CSMD1: variants seen among roughly 807,000 people sequenced by gnomAD.
CSMD1 encodes CUB and Sushi multiple domains 1.
A neutral mutation model predicts 417.5 loss-of-function variants in CSMD1; 213 were observed. The observed-to-expected ratio is 0.51, with a 90% CI of 0.46 to 0.57. CSMD1 has a LOEUF of 0.57. Ranked by LOEUF, CSMD1 falls within the 20% of genes least tolerant of loss-of-function variation. The probability of loss-of-function intolerance (pLI) is 0.00; values close to 1 mark genes in which losing one functional copy is unlikely to be tolerated. For synonymous variants in CSMD1, 2,862 were observed against 1,736.8 expected (o/e 1.65, Z -16.11); for missense variants, 6,923 against 4,529.7 (o/e 1.53, Z -15.17).
chr8:4,625,690 G>A (rs947911965), intron 2 of CSMD1, among the ~76,000 whole-genome samples: 1 of 152,006 alleles, frequency 6.6e-6, no homozygotes, highest in South Asian at 2.1e-4. Context: ...CAAATATAAT[G>A]ATTATCGTAT....
chr8:3,459,604 C>T (rs1039885306), intron 12 of CSMD1, among the ~76,000 whole-genome samples: 1 of 152,108 alleles, frequency 6.6e-6, no homozygotes, highest in South Asian at 2.1e-4. Context: ...CAACCAATAG[C>T]AGCAGAGCAC....
intron 8 of CSMD1, among the ~76,000 whole-genome samples, chr8:3,603,905 C>T (rs919171752): frequency 4.6e-5 from 7 of 152,170 alleles, no homozygotes; most frequent in African/African-American, 7.2e-5. Context: ...ATGCTTAATA[C>T]AGTATATGAT....
chr8:4,506,206 C>T (rs1802518918), intron 2 of CSMD1, among the ~76,000 whole-genome samples: 1 of 152,038 alleles, frequency 6.6e-6, no homozygotes, highest in South Asian at 2.1e-4. Flanking sequence ...ATGACAATTA[C>T]TTTTACACCA....
intron 3 of CSMD1, among the ~76,000 whole-genome samples, chr8:4,256,475 C>A (rs1328549248): frequency 6.6e-6 from 1 of 152,128 alleles, no homozygotes; most frequent in Non-Finnish European, 1.5e-5. Flanking sequence ...TAACCGAGTA[C>A]TGGTAAAGGG....
intron 68 of CSMD1, among the ~76,000 whole-genome samples, chr8:2,945,643 C>T (rs1490652992): frequency 6.6e-6 from 1 of 152,160 alleles, no homozygotes; most frequent in African/African-American, 2.4e-5. Flanking sequence ...GTACGAGGGT[C>T]TTCACAATAA....
At chr8:4,674,005 G>C (rs1167044069) in intron 1 of CSMD1, among the ~76,000 whole-genome samples, 1 of 152,094 alleles carries the variant, frequency 6.6e-6, no homozygotes, top group African/African-American at 2.4e-5. Flanking sequence ...ACTATACAGA[G>C]GCAAATCTTA....
intron 5 of CSMD1, among the ~76,000 whole-genome samples, chr8:3,767,318 G>T (rs752656780): frequency 6.6e-6 from 1 of 152,224 alleles, no homozygotes; most frequent in Non-Finnish European, 1.5e-5. Context: ...TACGAACACG[G>T]ACAGTGGAGT....
intron 25 of CSMD1, among the ~76,000 whole-genome samples, chr8:3,290,980 T>TC (rs762520348): frequency 5.3e-5 from 8 of 152,176 alleles, no homozygotes; most frequent in Non-Finnish European, 1.0e-4. Context: ...ATAGCTCTTA[T>TC]TATTTTGAGA....
chr8:3,763,396 G>C (rs898241751), intron 5 of CSMD1, among the ~76,000 whole-genome samples: 1 of 152,118 alleles, frequency 6.6e-6, no homozygotes, highest in Non-Finnish European at 1.5e-5. Context: ...ATGGTAATGA[G>C]TAAGTTCTCA....
intron 2 of CSMD1, among the ~76,000 whole-genome samples, chr8:4,622,371 G>A (rs1293102511): frequency 1.3e-5 from 2 of 152,086 alleles, no homozygotes; most frequent in African/African-American, 4.8e-5. Context: ...TCCAGCACGA[G>A]TGCCAGCTAA....
chr8:4,102,950 T>G (rs1801381567), intron 3 of CSMD1, among the ~76,000 whole-genome samples: 1 of 152,134 alleles, frequency 6.6e-6, no homozygotes, highest in South Asian at 2.1e-4. Flanking sequence ...AGTGACAAAT[T>G]CCCTGATAAC....
At chr8:4,528,402 A>C (rs1327930801) in intron 2 of CSMD1, among the ~76,000 whole-genome samples, 1 of 152,196 alleles carries the variant, frequency 6.6e-6, no homozygotes, top group East Asian at 1.9e-4. Context: ...AGGTAAGTGG[A>C]ATATGCAAAA....
chr8:3,554,326 T>A (rs1178170815), intron 10 of CSMD1, among the ~76,000 whole-genome samples: 1 of 151,308 alleles, frequency 6.6e-6, no homozygotes, highest in African/African-American at 2.4e-5. Context: ...GTCAGAAGAG[T>A]GAGAAATAAC....
intron 1 of CSMD1, among the ~76,000 whole-genome samples, chr8:4,894,762 A>T (rs1236201753): frequency 6.6e-6 from 1 of 151,478 alleles, no homozygotes; most frequent in Non-Finnish European, 1.5e-5. Context: ...GTTTGTGTGC[A>T]CATGTATAAA....
chr8:4,182,308 C>T (rs1207995988), intron 3 of CSMD1, among the ~76,000 whole-genome samples: 1 of 152,046 alleles, frequency 6.6e-6, no homozygotes, highest in African/African-American at 2.4e-5. Flanking sequence ...TAAGCTTGCC[C>T]TTGGTTTCAG....
intron 5 of CSMD1, among the ~76,000 whole-genome samples, chr8:3,940,349 C>G (rs1440992893): frequency 1.3e-5 from 2 of 151,628 alleles, no homozygotes; most frequent in East Asian, 3.9e-4. Flanking sequence ...AGTATGTTAG[C>G]AATGGTGGGG....
chr8:3,340,090 T>C (rs1273183663), intron 23 of CSMD1, among the ~76,000 whole-genome samples: 1 of 152,226 alleles, frequency 6.6e-6, no homozygotes, highest in East Asian at 1.9e-4. Flanking sequence ...TCGGTCAATA[T>C]ACTTGATGCC....
At chr8:4,916,124 G>A (rs1345311090) in intron 1 of CSMD1, among the ~76,000 whole-genome samples, 5 of 152,216 alleles carry the variant, frequency 3.3e-5, no homozygotes, top group Admixed American at 3.3e-4. Flanking sequence ...GGAGTCTGAT[G>A]AAGTCAGGAA....
At chr8:4,333,118 G>T (rs1799969066) in intron 3 of CSMD1, among the ~76,000 whole-genome samples, 1 of 152,044 alleles carries the variant, frequency 6.6e-6, no homozygotes, top group South Asian at 2.1e-4. Context: ...TTTGAAAATA[G>T]CAGGTGAAAT....
Sources: allele counts gnomAD v4.1 joint callset (sites outside exome capture counted in the v4.1 genomes callset), GRCh38; gene constraint gnomAD v4.1.1; transcripts MANE v1.5; gene names NCBI Gene and HGNC (gene_info 2026-07-23, HGNC 2026-07-21).